HMGB1: variants seen among roughly 807,000 people sequenced by gnomAD.
HMGB1 encodes high mobility group box 1.
For synonymous variants in HMGB1, 81 were observed against 84.0 expected (o/e 0.96, Z 0.19); for missense variants, 79 against 253.5 (o/e 0.31, Z 4.67).
At chr13:30,562,931 C>T (rs1870023181) in intron 1 of HMGB1, among the ~76,000 whole-genome samples, 1 of 152,100 alleles carries the variant, frequency 6.6e-6, no homozygotes, top group Admixed American at 6.5e-5. Context: ...AGGATTAGCA[C>T]TAAGAAGGAA....
chr13:30,613,896 A>G (rs185814118), intron 1 of HMGB1, among the ~76,000 whole-genome samples: 18 of 146,516 alleles, frequency 1.2e-4, no homozygotes, highest in Middle Eastern at 3.4e-3. Context: ...AAAGATCTGG[A>G]AAAAAAAAAC....
chr13:30,465,689 T>G, intron 1 of HMGB1, 107 bp downstream of exon 1: 2 of 446,982 alleles, frequency 4.5e-6, no homozygotes, highest in South Asian at 9.4e-5. Flanking sequence ...CATTTGCCTT[T>G]GTGTGGATCC....
intron 1 of HMGB1, among the ~76,000 whole-genome samples, chr13:30,606,275 G>T (rs931316657): frequency 1.3e-5 from 2 of 151,892 alleles, no homozygotes; most frequent in Non-Finnish European, 2.9e-5. Flanking sequence ...TTATATCTCT[G>T]CCCTTTCATT....
intron 1 of HMGB1, among the ~76,000 whole-genome samples, chr13:30,508,373 G>A (rs1052986418): frequency 7.9e-5 from 12 of 152,038 alleles, no homozygotes; most frequent in South Asian, 2.1e-4. Context: ...TTAGCTGGGC[G>A]TGGGGGTGTA....
At chr13:30,513,261 C>G (rs975080821) in intron 1 of HMGB1, among the ~76,000 whole-genome samples, 24 of 152,170 alleles carry the variant, frequency 1.6e-4, no homozygotes, top group African/African-American at 5.3e-4. Context: ...TCTGGCCACC[C>G]CAGCTTTTGG....
chr13:30,540,169 T>C (rs1868797840), intron 1 of HMGB1: 2 of 168,622 alleles, frequency 1.2e-5, no homozygotes, highest in South Asian at 3.0e-4. Flanking sequence ...AGCTATAGGG[T>C]CATTGATTCC....
chr13:30,471,354 T>G (rs1402618826), intron 1 of HMGB1, among the ~76,000 whole-genome samples: 2 of 152,180 alleles, frequency 1.3e-5, no homozygotes, highest in Non-Finnish European at 1.5e-5. Context: ...TGTTTTTTGT[T>G]TTTTGTTTTT....
chr13:30,557,642 A>C (rs1869745175), intron 1 of HMGB1, among the ~76,000 whole-genome samples: 1 of 152,210 alleles, frequency 6.6e-6, no homozygotes, highest in Non-Finnish European at 1.5e-5. Context: ...TACTTCACCA[A>C]CAACCAGCTT....
chr13:30,563,002 T>C (rs555856079), intron 1 of HMGB1, among the ~76,000 whole-genome samples: 1 of 152,366 alleles, frequency 6.6e-6, no homozygotes, highest in East Asian at 1.9e-4. Context: ...ATGTATGTTC[T>C]ACATGGTTTG....
At chr13:30,461,628 TC>T (rs768477030) in intron 4 of HMGB1, 95 bp from the exon 5 acceptor site, 68 of 1,584,168 alleles carry the variant, frequency 4.3e-5, no homozygotes, top group Non-Finnish European at 5.2e-5. Flanking sequence ...AAATCAAGAT[TC>T]TAGTTATACC....
intron 1 of HMGB1, among the ~76,000 whole-genome samples, chr13:30,522,489 G>A (rs1307751944): frequency 6.6e-6 from 1 of 152,088 alleles, no homozygotes; most frequent in Non-Finnish European, 1.5e-5. Flanking sequence ...AACTGTGATA[G>A]AGTCAGGTCA....
chr13:30,457,888 A>ACCTG lies in HMGB1; in HGVS notation c.*3468_*3469insCAGG, dbSNP rs5802567. 1 of 151,818 alleles carries ACCTG rather than the reference A, an allele frequency of 6.6e-6. No homozygotes were observed. The highest frequency in any genetic ancestry group is 1.9e-4 in the East Asian group (1 of 5,170). 9.4% of individuals were successfully genotyped at this position (151,818 alleles called of 1,614,324 possible). Reference sequence around the variant, plus strand: ...TATTAAGAGGACAAGAAAATGAACCACCATCTTTTGCTGGATAGACAATCA... The same window carrying ACCTG: ...TATTAAGAGGACAAGAAAATGAACCACCTGCCATCTTTTGCTGGATAGACAATCA... On this transcript the variant is annotated 3_prime_UTR_variant, in exon 5 of 5. Transcript: ENST00000341423.
At chr13:30,505,555 C>T (rs543356281) in intron 1 of HMGB1, among the ~76,000 whole-genome samples, 1 of 152,128 alleles carries the variant, frequency 6.6e-6, no homozygotes, top group Non-Finnish European at 1.5e-5. Flanking sequence ...AGGTGATCCA[C>T]CCACCTTGGC....
At chr13:30,544,907 C>T (rs993225607) in intron 1 of HMGB1, among the ~76,000 whole-genome samples, 1 of 152,202 alleles carries the variant, frequency 6.6e-6, no homozygotes, top group African/African-American at 2.4e-5. Context: ...GCTTACTGTG[C>T]TCTGTTGGAA....
chr13:30,592,478 A>G (rs1871412063), intron 1 of HMGB1, among the ~76,000 whole-genome samples: 1 of 152,194 alleles, frequency 6.6e-6, no homozygotes, highest in South Asian at 2.1e-4. Flanking sequence ...TTGGAAAAAC[A>G]TAGAAGTATC....
At chr13:30,535,621 G>A (rs1280766640) in intron 1 of HMGB1, among the ~76,000 whole-genome samples, 1 of 152,204 alleles carries the variant, frequency 6.6e-6, no homozygotes, top group Non-Finnish European at 1.5e-5. Context: ...AGGGCACAGG[G>A]ACTCACGCCT....
intron 1 of HMGB1, among the ~76,000 whole-genome samples, chr13:30,475,168 G>A (rs1386846374): frequency 9.3e-6 from 1 of 107,450 alleles, no homozygotes; most frequent in Non-Finnish European, 1.8e-5. Context: ...TTGAGACAGG[G>A]TCTCGCCTAG....
intron 1 of HMGB1, among the ~76,000 whole-genome samples, chr13:30,581,589 G>A (rs1870903705): frequency 2.0e-5 from 3 of 152,272 alleles, no homozygotes; most frequent in South Asian, 2.1e-4. Context: ...GAGTGTACAA[G>A]TATTCTATAT....
chr13:30,537,709 T>A (rs1258128448), intron 1 of HMGB1, among the ~76,000 whole-genome samples: 59 of 134,506 alleles, frequency 4.4e-4, no homozygotes, highest in African/African-American at 1.5e-3. Flanking sequence ...AATTGATGTA[T>A]CCAATGTTAA....
Sources: gnomAD v4.1 joint callset for allele counts (sites outside exome capture counted in the v4.1 genomes callset) on GRCh38, gnomAD v4.1.1 for gene constraint, MANE v1.5 for transcripts, NCBI Gene and HGNC (gene_info 2026-07-23, HGNC 2026-07-21) for gene names.